Variants in GNG12 observed in about 807,000 individuals in gnomAD.
The protein encoded by GNG12 is G protein subunit gamma 12.
For synonymous variants in GNG12, 28 were observed against 29.7 expected (o/e 0.94, Z 0.19); for missense variants, 69 against 83.8 (o/e 0.82, Z 0.69).
At chr1:67,776,706 G>A (rs1470441235) in intron 2 of GNG12, among the ~76,000 whole-genome samples, 1 of 152,180 alleles carries the variant, frequency 6.6e-6, no homozygotes, top group Non-Finnish European at 1.5e-5. Flanking sequence ...GGTGAAAGGA[G>A]AAGGATCACG....
At chr1:67,716,058 A>G (rs1220131591) in intron 2 of GNG12, among the ~76,000 whole-genome samples, 2 of 152,210 alleles carry the variant, frequency 1.3e-5, no homozygotes, top group Admixed American at 6.5e-5. Flanking sequence ...GCAAAGAGCA[A>G]AAGAGAACAT....
At chr1:67,763,090 G>GGAGAGAGGGAGAGAGAGAGAGAGAGA (rs1646615153) in intron 2 of GNG12, among the ~76,000 whole-genome samples, 1 of 116,724 alleles carries the variant, frequency 8.6e-6, no homozygotes, top group Non-Finnish European at 1.8e-5. Flanking sequence ...TACCCTCCCA[G>GGAGAGAGGGAGAGAGAGAGAGAGAGA]GAGAGAGAGA....
chr1:67,778,554 C>T (rs1646719512), intron 1 of GNG12, among the ~76,000 whole-genome samples: 1 of 152,178 alleles, frequency 6.6e-6, no homozygotes, highest in Non-Finnish European at 1.5e-5. Flanking sequence ...TTATATATAG[C>T]ACTTACTATG....
At chr1:67,713,743 CTCT>C (rs1228995931) in intron 2 of GNG12, among the ~76,000 whole-genome samples, 13 of 152,192 alleles carry the variant, frequency 8.5e-5, no homozygotes, top group Non-Finnish European at 1.6e-4. Flanking sequence ...CTTTATCTGC[CTCT>C]TCTTCTGTAA....
chr1:67,815,510 C>T (rs1570571272), intron 1 of GNG12, among the ~76,000 whole-genome samples: 1 of 152,286 alleles, frequency 6.6e-6, no homozygotes, highest in South Asian at 2.1e-4. Context: ...TCCTTGTGTA[C>T]CTGTGGCCCT....
At chr1:67,823,786 T>C (rs1646996533) in intron 1 of GNG12, among the ~76,000 whole-genome samples, 1 of 152,236 alleles carries the variant, frequency 6.6e-6, no homozygotes, top group African/African-American at 2.4e-5. Context: ...GCAGTCCCAC[T>C]TCTGGGAATC....
chr1:67,801,790 G>A (rs1216075237), intron 1 of GNG12, among the ~76,000 whole-genome samples: 1 of 152,138 alleles, frequency 6.6e-6, no homozygotes, highest in Non-Finnish European at 1.5e-5. Context: ...CGTATCTGCA[G>A]AATGGGATGA....
At chr1:67,771,665 G>T (rs1646675415) in intron 2 of GNG12, among the ~76,000 whole-genome samples, 1 of 152,178 alleles carries the variant, frequency 6.6e-6, no homozygotes, top group Non-Finnish European at 1.5e-5. Flanking sequence ...CGGGAAGGTG[G>T]AGAGAGGTGG....
Position 67,801,955 on chromosome 1 carries a change from G to T in GNG12, c.-76-24448C>A, listed in dbSNP as rs192453340. 3.2e-3 allele frequency among the ~76,000 whole-genome samples: 480 copies of T among 150,964 alleles called. 4 individuals are homozygous for T. The highest frequency in any genetic ancestry group is 4.0e-3 in the Non-Finnish European group (269 of 67,772). On this transcript the variant is annotated intron_variant, in intron 1 of 3. Transcript: ENST00000370982. ...AAGGGGGAAGGAAAAAAGAAGGAAGGGGGGTGAGGAAGAAAAAGGAGGGAG... is the reference window on the plus strand; with the variant it reads ...AAGGGGGAAGGAAAAAAGAAGGAAGTGGGGTGAGGAAGAAAAAGGAGGGAG...
chr1:67,814,140 A>T (rs1011430771), intron 1 of GNG12, among the ~76,000 whole-genome samples: 1 of 152,120 alleles, frequency 6.6e-6, no homozygotes, highest in Non-Finnish European at 1.5e-5. Context: ...AAAAGTAAAA[A>T]TTTAAAACAT....
intron 1 of GNG12, among the ~76,000 whole-genome samples, chr1:67,783,447 A>G (rs1380601053): frequency 6.6e-6 from 1 of 152,164 alleles, no homozygotes; most frequent in Non-Finnish European, 1.5e-5. Context: ...ACAGTTCCTG[A>G]GATCTTCATA....
At chr1:67,708,141 T>C (rs927894970) in intron 2 of GNG12, among the ~76,000 whole-genome samples, 1 of 152,260 alleles carries the variant, frequency 6.6e-6, no homozygotes, top group Non-Finnish European at 1.5e-5. Flanking sequence ...TCATTTCTTT[T>C]GGGCTCTTGC....
chr1:67,802,391 T>G (rs1453695204), intron 1 of GNG12, among the ~76,000 whole-genome samples: 3 of 152,118 alleles, frequency 2.0e-5, no homozygotes, highest in Non-Finnish European at 2.9e-5. Context: ...TTCCAAACCC[T>G]TGTCGGCCAG....
In GNG12 at chr1:67,833,460, G is replaced by A. The variant is rs958174172; in HGVS notation, c.-193C>T. 5.1e-6 allele frequency: 5 copies of A among 985,432 alleles called. No homozygotes were observed. Among genetic ancestry groups the A allele is most frequent in the Non-Finnish European group, 6.0e-6 (5 of 830,360 alleles). The allele number at this position is 985,432 out of a possible 1,614,324, so 61.0% of individuals were successfully genotyped here. A position where few individuals can be genotyped will look rare whatever the true frequency, so the allele number is the denominator to read the frequency against. On this transcript the variant is annotated 5_prime_UTR_variant, in exon 1 of 4. Coordinates refer to ENST00000370982, the MANE Select transcript of GNG12 (RefSeq NM_018841.6). The stretch of plus-strand genomic sequence containing the variant: ...TCTTGCTCCTCCGGGCGCCGGCTCC[G>A]CCTCGCTGGGGTGGGCGGGGCGGCG...
chr1:67,790,439 C>A (rs915223914), intron 1 of GNG12, among the ~76,000 whole-genome samples: 1 of 152,166 alleles, frequency 6.6e-6, no homozygotes, highest in Non-Finnish European at 1.5e-5. Flanking sequence ...CACTATACCA[C>A]AGCAGGGAGA....
At chr1:67,826,406 T>C (rs1011837620) in intron 1 of GNG12, among the ~76,000 whole-genome samples, 5 of 152,244 alleles carry the variant, frequency 3.3e-5, no homozygotes, top group Non-Finnish European at 5.9e-5. Context: ...TTTTGTGCAG[T>C]GAACAACCTG....
At chr1:67,713,244 G>C (rs1439524177) in intron 2 of GNG12, among the ~76,000 whole-genome samples, 1 of 152,236 alleles carries the variant, frequency 6.6e-6, no homozygotes, top group African/African-American at 2.4e-5. Flanking sequence ...GTGCATGCCT[G>C]TGCAGACTGC....
intron 1 of GNG12, among the ~76,000 whole-genome samples, chr1:67,828,388 C>A (rs1647022797): frequency 6.6e-6 from 1 of 152,198 alleles, no homozygotes; most frequent in Admixed American, 6.5e-5. Flanking sequence ...TGGCTGGATG[C>A]ACCTCCATCT....
At chr1:67,784,374 A>C (rs2100773715) in intron 1 of GNG12, among the ~76,000 whole-genome samples, 2 of 150,394 alleles carry the variant, frequency 1.3e-5, no homozygotes, top group East Asian at 3.9e-4. Flanking sequence ...CTAGATGACG[A>C]GTTAGTGGGT....
Sources: allele counts gnomAD v4.1 joint callset (sites outside exome capture counted in the v4.1 genomes callset), GRCh38; gene constraint gnomAD v4.1.1; transcripts MANE v1.5; gene names NCBI Gene and HGNC (gene_info 2026-07-23, HGNC 2026-07-21).